CYP27B1: variants seen among roughly 807,000 people sequenced by gnomAD.
The protein encoded by CYP27B1 is 25-hydroxyvitamin D-1 alpha hydroxylase, mitochondrial.
Under a neutral mutation model 54.8 loss-of-function variants are expected in CYP27B1, and 46 were observed. That is an observed-to-expected ratio of 0.84 (90% CI 0.66 to 1.07). CYP27B1 has a LOEUF of 1.07. CYP27B1 is among the 50% of genes least tolerant of loss of function. The probability of loss-of-function intolerance (pLI) is 0.00; values close to 1 mark genes in which losing one functional copy is unlikely to be tolerated. For missense variants in CYP27B1, 674 were observed against 692.2 expected, an observed-to-expected ratio of 0.97 and a Z score of 0.30; for synonymous variants, 292 against 297.3, an observed-to-expected ratio of 0.98 and a Z score of 0.18.
intron 1 of CYP27B1, chr12:57,766,486 T>C: frequency 1.8e-6 from 1 of 568,012 alleles, no homozygotes; most frequent in South Asian, 2.3e-5. Flanking sequence ...ATGTCTGGAC[T>C]GTCCATCTCA....
chr12:57,763,435 A>G (rs896298821), intron 8 of CYP27B1, among the ~76,000 whole-genome samples, 176 bp downstream of exon 8: 1 of 152,142 alleles, frequency 6.6e-6, no homozygotes, highest in Non-Finnish European at 1.5e-5. Flanking sequence ...GTAGGGAAAA[A>G]ATAGTTTGAA....
chr12:57,764,078 G>A lies in CYP27B1; in HGVS notation c.1215+20C>T, dbSNP rs182661200. ...TAGTGAGGAATGGCTCAGTAGAAAGGGTGCATAGGCTTTACTCACATTTTT... is the reference window on the plus strand; with the variant it reads ...TAGTGAGGAATGGCTCAGTAGAAAGAGTGCATAGGCTTTACTCACATTTTT... On this transcript the variant is annotated intron_variant, in intron 7 of 8. Transcript: ENST00000228606. 2.9e-5 allele frequency: 46 copies of A among 1,582,810 alleles called. No individual in the cohort carries two copies. In the East Asian group the frequency reaches 8.3e-4, roughly 28 times the overall value.
intron 1 of CYP27B1, chr12:57,766,567 A>G (rs1955362692): frequency 1.7e-6 from 1 of 581,676 alleles, no homozygotes. Context: ...GGTACTGCCC[A>G]CTCCGGCCTC....
intron 8 of CYP27B1, 36 bp downstream of exon 8, chr12:57,763,575 C>T (rs904563253): frequency 6.3e-7 from 1 of 1,583,204 alleles, no homozygotes; most frequent in Non-Finnish European, 8.7e-7. Flanking sequence ...TAGGGTCTCT[C>T]CAGTCTGGGG....
rs565490799 is a variant in CYP27B1, at chr12:57,766,177, G to A, written c.216C>T (p.Phe72=). 1.8e-5 allele frequency: 27 copies of A among 1,542,656 alleles called. No homozygotes were observed. The South Asian group carries it at 3.0e-4, about 17-fold the overall frequency. The change falls in exon 2 of 9, where the codon TTC becomes TTT. Residue 72 remains phenylalanine, a synonymous_variant. Transcript: ENST00000228606. ...HELQVQGAAH[F]GPVWLASFGT... ...CAAAGCTGGCTAGCCACACCGGCCC[G>A]AAGTGCGCGGCGCCCTGCACCTGGG...
Position 57,765,366 on chromosome 12 carries a change from C to A in CYP27B1, c.520G>T (p.Gly174Ter). Residue 174 changes from glycine (G) to a stop codon, truncating the protein, a stop_gained, in exon 3 of 9, where the codon GGA (glycine) becomes TGA (stop). Transcript: ENST00000228606. LOFTEE classifies it high-confidence loss of function. The surrounding 1 kb of genome is among the most constrained non-coding windows in gnomAD (Gnocchi z 5.8). ...AGGGCGGGCGGCCCCGTGCCACGTCCCCGCTGGCGCCTCAGACGCCGCACA... is the reference window on the plus strand; with the variant it reads ...AGGGCGGGCGGCCCCGTGCCACGTCACCGCTGGCGCCTCAGACGCCGCACA... ...DLVRRLRRQR[G>*]RGTGPPALVR... 3 of 1,613,396 alleles carry A rather than the reference C, an allele frequency of 1.9e-6. No individual in the cohort carries two copies. Among genetic ancestry groups the A allele is most frequent in the Non-Finnish European group, 2.5e-6 (3 of 1,179,766 alleles).
chr12:57,766,810 C>T (rs767679343), intron 1 of CYP27B1, 37 bp downstream of exon 1: 2 of 1,609,014 alleles, frequency 1.2e-6, no homozygotes, highest in Non-Finnish European at 8.5e-7. Flanking sequence ...AACCAGTTTC[C>T]CCAGCACTCT....
chr12:57,765,795 C>T lies in CYP27B1; in HGVS notation c.386+212G>A. On this transcript the variant is annotated intron_variant, in intron 2 of 8. Transcript: ENST00000228606. This position sits in a 1 kb window ranked among gnomAD's most constrained non-coding sequence, Gnocchi z 5.8. Reference sequence around the variant, plus strand: ...TCCGGTTCCCCCAGTTCCCAGGATTCGGGCCTCAAAGGATAAGGAGGTAGG... The same window carrying T: ...TCCGGTTCCCCCAGTTCCCAGGATTTGGGCCTCAAAGGATAAGGAGGTAGG... The T allele has an allele frequency of 2.0e-6, 2 of 986,256 alleles. No individual in the cohort carries two copies. Among genetic ancestry groups the T allele is most frequent in the Non-Finnish European group, 2.9e-6 (2 of 685,616 alleles). The allele number at this position is 986,256 out of a possible 1,614,324, so 61.1% of individuals were successfully genotyped here.
Position 57,765,874 on chromosome 12 carries a change from G to A in CYP27B1, c.386+133C>T. On this transcript the variant is annotated intron_variant, in intron 2 of 8. Transcript: ENST00000228606. This position sits in a 1 kb window ranked among gnomAD's most constrained non-coding sequence, Gnocchi z 5.8. ...GTGTGGGTGAAGCAGACTGGGATGG[G>A]AACCCCAAGATGCCCAATGGTAGAG... 1 of 1,423,542 alleles carries A rather than the reference G, an allele frequency of 7.0e-7. No individual in the cohort carries two copies. The highest frequency in any genetic ancestry group is 9.2e-7 in the Non-Finnish European group (1 of 1,087,694). The allele number at this position is 1,423,542 out of a possible 1,614,324, so 88.2% of individuals were successfully genotyped here. A position where few individuals can be genotyped will look rare whatever the true frequency, so the allele number is the denominator to read the frequency against.
Position 57,765,357 on chromosome 12 carries a change from T to G in CYP27B1, c.529A>C (p.Thr177Pro). 6.2e-7 allele frequency: 1 copy of G among 1,613,408 alleles called. No homozygotes were observed. The highest frequency in any genetic ancestry group is 1.7e-5 in the Admixed American group (1 of 59,986). The change falls in exon 3 of 9, where the codon ACG becomes CCG. Residue 177 changes from threonine to proline, a missense_variant. Coordinates refer to ENST00000228606, the MANE Select transcript of CYP27B1 (RefSeq NM_000785.4). The surrounding 1 kb of genome is among the most constrained non-coding windows in gnomAD (Gnocchi z 5.8). ...TCCCGAACCAGGGCGGGCGGCCCCG[T>G]GCCACGTCCCCGCTGGCGCCTCAGA... ...RRLRRQRGRGTGPPALVRDVA... is the reference protein window; with the variant it reads ...RRLRRQRGRGPGPPALVRDVA...
chr12:57,764,996 C>T lies in CYP27B1; in HGVS notation c.790+15G>A, dbSNP rs774100842. On this transcript the variant is annotated intron_variant, in intron 4 of 8. Coordinates refer to ENST00000228606, the MANE Select transcript of CYP27B1 (RefSeq NM_000785.4). ...GCTTTACATTCCCCCATTTCCACCTCGACCTGTGCCTTACCAAATGCAAAC... is the reference window on the plus strand; with the variant it reads ...GCTTTACATTCCCCCATTTCCACCTTGACCTGTGCCTTACCAAATGCAAAC... 3.1e-6 allele frequency: 5 copies of T among 1,613,814 alleles called. No individual in the cohort carries two copies. The South Asian group carries it at 3.3e-5, about 11-fold the overall frequency.
chr12:57,767,013 C>T lies in CYP27B1; in HGVS notation c.29G>A (p.Arg10Lys). Residue 10 changes from arginine to lysine, a missense_variant, in exon 1 of 9, where the codon AGA becomes AAA. By Grantham distance (26) the Arg-to-Lys change is conservative (BLOSUM62 2). Coordinates refer to ENST00000228606, the MANE Select transcript of CYP27B1 (RefSeq NM_000785.4). Reference protein sequence around the residue: MTQTLKYASRVFHRVRWAPE... With the variant: MTQTLKYASKVFHRVRWAPE... ...CGCCCAGCGGACGCGATGGAACACT[C>T]TGGAGGCGTACTTGAGGGTCTGGGT... 6.2e-7 allele frequency: 1 copy of T among 1,614,242 alleles called. No homozygotes were observed. Among genetic ancestry groups the T allele is most frequent in the Non-Finnish European group, 8.5e-7 (1 of 1,180,040 alleles).
Position 57,766,072 on chromosome 12 carries a change from G to T in CYP27B1, c.321C>A (p.Arg107=), listed in dbSNP as rs1462717424. ...GCTCCGTCCAGGGCGAGAAGCTGCA[G>T]CGCTCGGGCCGGGGTCCCTCCTGTC... ...LLRQEGPRPE[R]CSFSPWTEHR... is the part of the protein sequence containing the mutation. Residue 107 remains arginine, a synonymous_variant, in exon 2 of 9, where the codon CGC becomes CGA. Transcript: ENST00000228606. The T allele has an allele frequency of 3.2e-6, 5 of 1,555,646 alleles. No homozygotes were observed. Among genetic ancestry groups the T allele is most frequent in the Non-Finnish European group, 3.5e-6 (4 of 1,154,618 alleles).
Position 57,765,755 on chromosome 12 carries a change from C to A in CYP27B1, c.386+252G>T. ...CATTCATTCCATCCAGATCCTTGTACCCTAGCCCAATTCCTCCGGTTCCCC... is the reference window on the plus strand; with the variant it reads ...CATTCATTCCATCCAGATCCTTGTAACCTAGCCCAATTCCTCCGGTTCCCC... On this transcript the variant is annotated intron_variant, in intron 2 of 8. Coordinates refer to ENST00000228606, the MANE Select transcript of CYP27B1 (RefSeq NM_000785.4). The surrounding 1 kb of genome is among the most constrained non-coding windows in gnomAD (Gnocchi z 5.8). 1 of 818,074 alleles carries A rather than the reference C, an allele frequency of 1.2e-6. No homozygotes were observed. 50.7% of individuals were successfully genotyped at this position (818,074 alleles called of 1,614,324 possible). A position where few individuals can be genotyped will look rare whatever the true frequency, so the allele number is the denominator to read the frequency against.
intron 1 of CYP27B1, chr12:57,766,611 TCTCCACACCTCAGGA>T (rs1955363234): frequency 3.3e-6 from 2 of 597,866 alleles, no homozygotes; most frequent in African/African-American, 3.7e-5. Flanking sequence ...ATCTGCAGGA[TCTCCACACCTCAGGA>T]CAGCGAGAAG....
At position 57,763,188 on chromosome 12, in the gene CYP27B1, ACAGTCCGGGTCT is replaced by A; in HGVS notation, c.1469_1480del (p.Lys490_Val494delinsIle). The A allele has an allele frequency of 6.2e-7, 1 of 1,614,210 alleles. No homozygotes were observed. Among genetic ancestry groups the A allele is most frequent in the Non-Finnish European group, 8.5e-7 (1 of 1,180,026 alleles). ...GTTGATGCTCCTTTCAGGTACCAGG[ACAGTCCGGGTCT>A]TGGGTCTAACTGGGGCCGCACCTGG... On this transcript the variant is annotated inframe_deletion, in exon 9 of 9. Coordinates refer to ENST00000228606, the MANE Select transcript of CYP27B1 (RefSeq NM_000785.4).
rs929673104 is a variant in CYP27B1 at position 57,763,059 on chromosome 12, T to C, written c.*83A>G. ...TGGTCAGATAGGCATTAGGGGAAGA[T>C]GTATACCTTGGTCTTGTGCCTACAA... On this transcript the variant is annotated 3_prime_UTR_variant, in exon 9 of 9. Transcript: ENST00000228606. 23 of 950,258 alleles carry C rather than the reference T, an allele frequency of 2.4e-5. No homozygotes were observed. The highest frequency in any genetic ancestry group is 3.9e-5 in the Non-Finnish European group (23 of 596,136). 58.9% of individuals were successfully genotyped at this position (950,258 alleles called of 1,614,324 possible).
intron 1 of CYP27B1, among the ~76,000 whole-genome samples, 156 bp downstream of exon 1, chr12:57,766,691 C>T: frequency 6.6e-6 from 1 of 152,268 alleles, no homozygotes; most frequent in East Asian, 1.9e-4. Flanking sequence ...CCGAGTGTAG[C>T]CACACCGCCC....
intron 4 of CYP27B1, 26 bp downstream of exon 4, chr12:57,764,985 C>T (rs1229093063): frequency 6.2e-7 from 1 of 1,613,984 alleles, no homozygotes; most frequent in South Asian, 1.1e-5. Flanking sequence ...TACATTCCCC[C>T]ATTTCCACCT....
Sources: gnomAD v4.1 joint callset for allele counts (sites outside exome capture counted in the v4.1 genomes callset) on GRCh38, gnomAD v4.1.1 for gene constraint, Gnocchi (gnomAD v3.1) non-coding constraint, MANE v1.5 for transcripts, NCBI Gene and HGNC (gene_info 2026-07-23, HGNC 2026-07-21) for gene names.